NPAS3: variants seen among roughly 807,000 people sequenced by gnomAD.
The protein encoded by NPAS3 is neuronal PAS domain protein 3, also known as neuronal PAS domain-containing protein 3.
In NPAS3, 14 loss-of-function variants were observed where a neutral mutation model predicts 73.1. That is an observed-to-expected ratio of 0.19 (90% CI 0.13 to 0.30). The LOEUF (loss-of-function observed/expected upper bound fraction) is 0.30, where lower values mean the gene tolerates loss of function less well. Among genes scored for constraint, NPAS3 ranks in the 10% least tolerant of loss-of-function variants. NPAS3 has a pLI of 1.00. For missense variants in NPAS3, 1,096 were observed against 1,250.0 expected, an observed-to-expected ratio of 0.88 and a Z score of 1.86; for synonymous variants, 620 against 541.5, an observed-to-expected ratio of 1.14 and a Z score of -2.01.
intron 5 of NPAS3, among the ~76,000 whole-genome samples, chr14:33,642,106 A>G (rs1193330346): frequency 6.6e-6 from 1 of 152,166 alleles, no homozygotes; most frequent in Non-Finnish European, 1.5e-5. Flanking sequence ...TTTGATCACC[A>G]TGGGAACTCA....
chr14:33,360,026 C>G (rs1165062815), intron 3 of NPAS3, among the ~76,000 whole-genome samples: 1 of 152,190 alleles, frequency 6.6e-6, no homozygotes, highest in Admixed American at 6.5e-5. Flanking sequence ...AGGCTTGGAG[C>G]CTGGACAGGG....
At chr14:33,265,355 CT>C (rs774239335) in intron 3 of NPAS3, among the ~76,000 whole-genome samples, 72 of 152,310 alleles carry the variant, frequency 4.7e-4, no homozygotes, top group Non-Finnish European at 7.3e-4. Context: ...ATAGTATTAA[CT>C]GCTCTGTAAA....
chr14:33,723,561 G>A (rs1278963263), intron 6 of NPAS3, among the ~76,000 whole-genome samples: 2 of 151,880 alleles, frequency 1.3e-5, no homozygotes, highest in Admixed American at 6.6e-5. Flanking sequence ...TTTCTTGGAA[G>A]CCACTACTCT....
chr14:33,783,587 TG>T (rs1174464268), intron 9 of NPAS3, among the ~76,000 whole-genome samples: 1 of 31,806 alleles, frequency 3.1e-5, no homozygotes, highest in Non-Finnish European at 6.3e-5. Flanking sequence ...CTTAGTTTTT[TG>T]GGGGGGTGGT....
rs554846462 is a variant in NPAS3 at position 33,477,323 on chromosome 14, G to A, written c.469-82798G>A. 7.2e-5 allele frequency among the ~76,000 whole-genome samples: 11 copies of A among 152,198 alleles called. No homozygotes were observed. In the South Asian group the frequency reaches 1.9e-3, roughly 26 times the overall value. On this transcript the variant is annotated intron_variant, in intron 4 of 11. Coordinates refer to ENST00000356141, the Ensembl canonical transcript of NPAS3. ...TGGAATATCTTCCCAGATTCACTAT[G>A]GAAAGAGAGAAGCTACCCAGAAGAG...
intron 6 of NPAS3, among the ~76,000 whole-genome samples, chr14:33,729,348 A>G (rs1230014324): frequency 6.6e-6 from 1 of 152,194 alleles, no homozygotes; most frequent in Non-Finnish European, 1.5e-5. Context: ...GATTTTTCCA[A>G]AAAGAGGTTC....
At chr14:33,770,121 C>A (rs570160668) in intron 7 of NPAS3, among the ~76,000 whole-genome samples, 40 of 152,208 alleles carry the variant, frequency 2.6e-4, no homozygotes, top group Admixed American at 1.4e-3. Flanking sequence ...CACCTGAGAT[C>A]CAGATTTAAC....
At chr14:33,210,463 G>T (rs978461928) in intron 2 of NPAS3, among the ~76,000 whole-genome samples, 1 of 152,160 alleles carries the variant, frequency 6.6e-6, no homozygotes, top group African/African-American at 2.4e-5. Flanking sequence ...GGCAGCTGCT[G>T]TGCAGCTTCC....
chr14:33,160,764 G>A (rs552081448), intron 2 of NPAS3, among the ~76,000 whole-genome samples: 16 of 150,546 alleles, frequency 1.1e-4, no homozygotes, highest in Non-Finnish European at 2.2e-4. Context: ...TCACAGAACT[G>A]CAGGAACTTG....
intron 4 of NPAS3, among the ~76,000 whole-genome samples, chr14:33,429,409 G>C (rs1328909893): frequency 1.3e-5 from 2 of 152,030 alleles, no homozygotes; most frequent in African/African-American, 4.8e-5. Context: ...TTGTACTGTA[G>C]AGACCAAGCC....
At chr14:33,537,029 C>T (rs1281369331) in intron 4 of NPAS3, among the ~76,000 whole-genome samples, 8 of 151,852 alleles carry the variant, frequency 5.3e-5, no homozygotes, top group Non-Finnish European at 8.8e-5. Context: ...TTTCATACTT[C>T]AGCAGTACAG....
At chr14:32,998,115 C>A (rs1031937408) in intron 1 of NPAS3, among the ~76,000 whole-genome samples, 1 of 152,074 alleles carries the variant, frequency 6.6e-6, no homozygotes. Context: ...AGCCACAAGG[C>A]AAAAACAGCC....
chr14:33,086,269 T>C (rs2042022607), intron 2 of NPAS3, among the ~76,000 whole-genome samples: 1 of 152,224 alleles, frequency 6.6e-6, no homozygotes, highest in Admixed American at 6.5e-5. Flanking sequence ...TATGTTTTGA[T>C]TTAATGGTTG....
At chr14:33,268,552 T>C (rs1292164065) in intron 3 of NPAS3, among the ~76,000 whole-genome samples, 3 of 152,146 alleles carry the variant, frequency 2.0e-5, no homozygotes, top group African/African-American at 7.2e-5. Flanking sequence ...TTTTTTTGCA[T>C]TCAAATGTAA....
intron 3 of NPAS3, among the ~76,000 whole-genome samples, chr14:33,350,545 A>C (rs1017361857): frequency 1.3e-5 from 2 of 152,208 alleles, no homozygotes; most frequent in African/African-American, 2.4e-5. Flanking sequence ...GGTGTATGCA[A>C]ATTGGTTCAA....
At chr14:33,602,098 C>A (rs552018233) in intron 5 of NPAS3, among the ~76,000 whole-genome samples, 1 of 152,006 alleles carries the variant, frequency 6.6e-6, no homozygotes, top group Non-Finnish European at 1.5e-5. Context: ...GGGGAGACCT[C>A]GATTAGCTAG....
chr14:33,445,709 C>G (rs1269090455), intron 4 of NPAS3, among the ~76,000 whole-genome samples: 1 of 152,172 alleles, frequency 6.6e-6, no homozygotes, highest in African/African-American at 2.4e-5. Context: ...CTATAACTAC[C>G]ATTTATTCTC....
intron 6 of NPAS3, among the ~76,000 whole-genome samples, chr14:33,731,032 T>G (rs1016354169): frequency 6.6e-6 from 1 of 152,200 alleles, no homozygotes; most frequent in Non-Finnish European, 1.5e-5. Context: ...AGGAGTAACA[T>G]TTCTCAAAAC....
chr14:33,223,110 G>A (rs2047493700), intron 3 of NPAS3, among the ~76,000 whole-genome samples: 1 of 152,104 alleles, frequency 6.6e-6, no homozygotes, highest in Non-Finnish European at 1.5e-5. Context: ...AGGAGTTCGA[G>A]ACCAGCCTGG....
Sources: allele counts gnomAD v4.1 joint callset (sites outside exome capture counted in the v4.1 genomes callset), GRCh38; gene constraint gnomAD v4.1.1; transcripts MANE v1.5; gene names NCBI Gene and HGNC (gene_info 2026-07-23, HGNC 2026-07-21).